PEAK1: variants seen among roughly 807,000 people sequenced by gnomAD.
The protein encoded by PEAK1 is inactive tyrosine-protein kinase PEAK1.
In PEAK1, 54 loss-of-function variants were observed where a neutral mutation model predicts 124.7. That is an observed-to-expected ratio of 0.43 (90% CI 0.35 to 0.54). The LOEUF (loss-of-function observed/expected upper bound fraction) is 0.54. Among genes scored for constraint, PEAK1 ranks in the 20% least tolerant of loss-of-function variants. The probability of loss-of-function intolerance (pLI) is 0.01; values close to 1 mark genes in which losing one functional copy is unlikely to be tolerated. For missense variants in PEAK1, 2,046 were observed against 2,134.5 expected, an observed-to-expected ratio of 0.96 and a Z score of 0.82; for synonymous variants, 719 against 760.0, an observed-to-expected ratio of 0.95 and a Z score of 0.89.
At chr15:77,370,562 G>A (rs993853367) in intron 1 of PEAK1, 22 of 281,462 alleles carry the variant, frequency 7.8e-5, no homozygotes, top group African/African-American at 4.6e-4. Flanking sequence ...CCCTAGATTT[G>A]CCTCTAACCA....
chr15:77,295,809 T>C (rs760079845), intron 2 of PEAK1, among the ~76,000 whole-genome samples: 34 of 152,156 alleles, frequency 2.2e-4, no homozygotes, highest in Non-Finnish European at 8.8e-5. Flanking sequence ...TTCAACTACA[T>C]AGATTTTTGT....
rs559490036 is a variant in PEAK1, at chr15:77,349,984, A to G, written c.-603+15179T>C. ...ATTCTTCCTTTAAAAAGGATCAAGC[A>G]TTATAGGAAGATTTCTAGGTTTAAG... On this transcript the variant is annotated intron_variant, in intron 2 of 9. Coordinates refer to ENST00000682557, the MANE Select transcript of PEAK1 (RefSeq NM_001385026.1). 2.5e-4 allele frequency: 245 copies of G among 984,976 alleles called. 2 individuals carry two copies. In the South Asian group the frequency reaches 9.9e-3, roughly 40 times the overall value. 61.0% of individuals were successfully genotyped at this position (984,976 alleles called of 1,614,324 possible).
intron 2 of PEAK1, among the ~76,000 whole-genome samples, chr15:77,301,524 C>G (rs1275884792): frequency 6.6e-6 from 1 of 152,172 alleles, no homozygotes; most frequent in African/African-American, 2.4e-5. Context: ...CTGAGGATTA[C>G]TGGTCATATG....
intron 6 of PEAK1, among the ~76,000 whole-genome samples, chr15:77,214,848 C>T (rs571050788): frequency 2.0e-4 from 31 of 152,126 alleles, no homozygotes; most frequent in African/African-American, 6.3e-4. Flanking sequence ...ATCATGAGAA[C>T]GGCAATGGGG....
intron 7 of PEAK1, among the ~76,000 whole-genome samples, chr15:77,169,950 G>A (rs1047973809): frequency 1.4e-4 from 22 of 152,106 alleles, no homozygotes; most frequent in African/African-American, 5.1e-4. Context: ...TTGAAGTGGA[G>A]ATATCAAGTG....
At chr15:77,313,630 T>TAATG (rs1431045495) in intron 2 of PEAK1, among the ~76,000 whole-genome samples, 3 of 127,036 alleles carry the variant, frequency 2.4e-5, no homozygotes, top group Non-Finnish European at 5.1e-5. Context: ...CCATGCCCAG[T>TAATG]AATGTATGTA....
At chr15:77,417,433 G>A in intron 1 of PEAK1, 1 of 959,020 alleles carries the variant, frequency 1.0e-6, no homozygotes, top group Non-Finnish European at 1.2e-6. Context: ...GGACTAGGAA[G>A]GAGAGTGGGG....
chr15:77,177,941 C>A (rs904392106), intron 7 of PEAK1: 2 of 152,062 alleles, frequency 1.3e-5, no homozygotes, highest in African/African-American at 4.8e-5. Flanking sequence ...AATGAGAGAT[C>A]GAGGTTTGAA....
At chr15:77,380,391 A>G (rs532130059) in intron 1 of PEAK1, among the ~76,000 whole-genome samples, 5 of 152,208 alleles carry the variant, frequency 3.3e-5, no homozygotes, top group Non-Finnish European at 7.4e-5. Context: ...AAGGCTGGAC[A>G]TAACTGATCT....
chr15:77,242,971 G>A (rs1021483491), intron 6 of PEAK1, among the ~76,000 whole-genome samples: 5 of 152,110 alleles, frequency 3.3e-5, no homozygotes, highest in African/African-American at 1.2e-4. Flanking sequence ...TGCATATTCA[G>A]CATTTGACAT....
chr15:77,403,597 G>T (rs2071554335), intron 1 of PEAK1: 7 of 945,218 alleles, frequency 7.4e-6, no homozygotes, highest in Non-Finnish European at 8.8e-6. Flanking sequence ...ATATTTATTG[G>T]ATGTTCATAT....
chr15:77,298,243 T>G, intron 2 of PEAK1, among the ~76,000 whole-genome samples: 1 of 116,330 alleles, frequency 8.6e-6, no homozygotes, highest in Non-Finnish European at 1.7e-5. Flanking sequence ...TTTTGAGAGG[T>G]AGTCTCGCTG....
At chr15:77,140,057 T>C (rs181463171) in intron 8 of PEAK1, among the ~76,000 whole-genome samples, 19 of 152,212 alleles carry the variant, frequency 1.2e-4, no homozygotes, top group Admixed American at 1.1e-3. Context: ...AGTAGTAAAA[T>C]TGTATAGATA....
At chr15:77,417,852 T>C in intron 1 of PEAK1, 1 of 985,472 alleles carries the variant, frequency 1.0e-6, no homozygotes, top group East Asian at 1.1e-4. Context: ...TAGCTGATGC[T>C]TATTTGGCAA....
At chr15:77,115,711 CT>C (rs2051311995) in intron 9 of PEAK1, among the ~76,000 whole-genome samples, 2 of 152,206 alleles carry the variant, frequency 1.3e-5, no homozygotes, top group African/African-American at 4.8e-5. Flanking sequence ...TTTTCTCTTA[CT>C]TCTGTAGAGG....
chr15:77,348,697 A>G (rs2067019206), intron 2 of PEAK1: 2 of 985,110 alleles, frequency 2.0e-6, no homozygotes, highest in African/African-American at 1.7e-5. Context: ...AGTTAATCTG[A>G]CTCACGGGAA....
intron 2 of PEAK1, among the ~76,000 whole-genome samples, chr15:77,326,503 G>T (rs887093955): frequency 2.0e-5 from 3 of 152,092 alleles, no homozygotes; most frequent in African/African-American, 7.2e-5. Context: ...AAGCTAAAAA[G>T]CTCTCTTCTG....
chr15:77,420,906 G>C (rs1304957010), upstream of PEAK1: 1 of 398,708 alleles, frequency 2.5e-6, no homozygotes, highest in Non-Finnish European at 4.4e-6. Context: ...GACGACGAGT[G>C]CGTGAAGTGA....
intron 6 of PEAK1, among the ~76,000 whole-genome samples, chr15:77,195,520 G>A (rs1042849543): frequency 2.0e-5 from 3 of 152,044 alleles, no homozygotes; most frequent in African/African-American, 7.2e-5. Flanking sequence ...CATAATATCT[G>A]AGCAGACACA....
Sources: gnomAD v4.1 joint callset for allele counts (sites outside exome capture counted in the v4.1 genomes callset) on GRCh38, gnomAD v4.1.1 for gene constraint, MANE v1.5 for transcripts, NCBI Gene and HGNC (gene_info 2026-07-23, HGNC 2026-07-21) for gene names.